The following SGCZ variants were observed in gnomAD, a reference collection of about 807,000 sequenced individuals.
SGCZ encodes the protein sarcoglycan zeta.
SGCZ carries 40 observed loss-of-function variants against 41.3 expected under a neutral mutation model. The observed-to-expected ratio is 0.97, with a 90% CI of 0.75 to 1.26. The LOEUF is 1.26. Among genes scored for constraint, SGCZ ranks in the 50% most tolerant of loss-of-function variants. SGCZ has a pLI of 0.00. For synonymous variants in SGCZ, 206 were observed against 137.5 expected (o/e 1.50, Z -3.49); for missense variants, 552 against 369.8 (o/e 1.49, Z -4.04).
intron 1 of SGCZ, among the ~76,000 whole-genome samples, chr8:14,923,568 A>C (rs149670917): frequency 2.6e-5 from 4 of 152,160 alleles, no homozygotes; most frequent in African/African-American, 4.8e-5. Flanking sequence ...TGTTCAATTA[A>C]TTAAAAATCA....
intron 1 of SGCZ, among the ~76,000 whole-genome samples, chr8:14,926,467 A>G (rs1221609305): frequency 2.6e-5 from 4 of 151,882 alleles, no homozygotes; most frequent in Non-Finnish European, 4.4e-5. Flanking sequence ...ATGCACATTT[A>G]TCACGTAAGC....
chr8:14,803,449 G>A (rs1280170975), intron 1 of SGCZ, among the ~76,000 whole-genome samples: 2 of 152,104 alleles, frequency 1.3e-5, no homozygotes, highest in Non-Finnish European at 2.9e-5. Context: ...CCCTTTCCTA[G>A]TCAAAGAAAG....
At chr8:14,159,708 G>T (rs1361674417) in intron 5 of SGCZ, among the ~76,000 whole-genome samples, 2 of 152,170 alleles carry the variant, frequency 1.3e-5, no homozygotes, top group East Asian at 3.9e-4. Flanking sequence ...GAACAAAGCG[G>T]CTCCATCCTG....
chr8:14,714,125 G>A (rs768345662), intron 1 of SGCZ, among the ~76,000 whole-genome samples: 2 of 151,776 alleles, frequency 1.3e-5, no homozygotes, highest in Non-Finnish European at 2.9e-5. Flanking sequence ...CCACCACCAC[G>A]CCCAGCTAAT....
chr8:15,236,361 C>T (rs1360460734), intron 1 of SGCZ, among the ~76,000 whole-genome samples: 3 of 152,108 alleles, frequency 2.0e-5, no homozygotes, highest in Non-Finnish European at 2.9e-5. Context: ...GGGGATTTTG[C>T]AGCCTGCCTA....
chr8:14,783,164 T>C (rs938031132), intron 1 of SGCZ, among the ~76,000 whole-genome samples: 3 of 152,156 alleles, frequency 2.0e-5, no homozygotes. Context: ...CCGGGCACGG[T>C]GGCTCACGCA....
chr8:14,872,342 A>C (rs1375165604), intron 1 of SGCZ, among the ~76,000 whole-genome samples: 1 of 152,086 alleles, frequency 6.6e-6, no homozygotes, highest in Non-Finnish European at 1.5e-5. Flanking sequence ...TAGAAATATA[A>C]GCTATCTGTT....
intron 1 of SGCZ, among the ~76,000 whole-genome samples, chr8:14,702,729 AATGATAGATAG>A (rs200268955): frequency 0.031 from 4,353 of 139,352 alleles, 125 homozygotes; most frequent in East Asian, 0.085. Flanking sequence ...TGCTGGCTTC[AATGATAGATAG>A]ATAGATAGAT....
intron 7 of SGCZ, among the ~76,000 whole-genome samples, chr8:14,101,931 C>A (rs180788574): frequency 6.6e-6 from 1 of 151,636 alleles, no homozygotes; most frequent in African/African-American, 2.4e-5. Context: ...CTCGCTCTGT[C>A]GCCCCAGGCT....
At chr8:15,177,377 A>T (rs977589561) in intron 1 of SGCZ, among the ~76,000 whole-genome samples, 4 of 152,212 alleles carry the variant, frequency 2.6e-5, no homozygotes, top group African/African-American at 9.6e-5. Flanking sequence ...GTTGTAAAAT[A>T]AGGAGCTGAG....
At chr8:14,391,686 A>G (rs957269637) in intron 2 of SGCZ, among the ~76,000 whole-genome samples, 5 of 152,168 alleles carry the variant, frequency 3.3e-5, no homozygotes, top group African/African-American at 1.2e-4. Flanking sequence ...TTAGGGATAT[A>G]GTGACGAACG....
intron 1 of SGCZ, among the ~76,000 whole-genome samples, chr8:14,701,217 G>T (rs1809126925): frequency 6.6e-6 from 1 of 151,902 alleles, no homozygotes; most frequent in Admixed American, 6.6e-5. Context: ...GGTAGTTGCA[G>T]CATGGGATTG....
intron 5 of SGCZ, among the ~76,000 whole-genome samples, chr8:14,142,208 C>T (rs1392600475): frequency 2.6e-5 from 4 of 151,936 alleles, no homozygotes; most frequent in Non-Finnish European, 2.9e-5. Context: ...GGGAGAAGTG[C>T]CTAATGTAAA....
intron 2 of SGCZ, among the ~76,000 whole-genome samples, chr8:14,398,032 C>T (rs1184290057): frequency 1.3e-5 from 2 of 152,072 alleles, no homozygotes; most frequent in African/African-American, 4.8e-5. Context: ...ACCATCAACT[C>T]AAAGGACCCT....
intron 1 of SGCZ, among the ~76,000 whole-genome samples, chr8:15,220,366 T>A (rs1801552357): frequency 6.6e-6 from 1 of 152,146 alleles, no homozygotes; most frequent in Admixed American, 6.5e-5. Flanking sequence ...GTTTTCTTGA[T>A]ATTGGTTACC....
intron 3 of SGCZ, among the ~76,000 whole-genome samples, chr8:14,247,321 C>A (rs921007378): frequency 6.6e-6 from 1 of 152,156 alleles, no homozygotes; most frequent in African/African-American, 2.4e-5. Flanking sequence ...TAGTCCCCAT[C>A]CTGAAGCTCT....
chr8:14,285,384 G>T (rs1413841517), intron 3 of SGCZ, among the ~76,000 whole-genome samples: 1 of 152,052 alleles, frequency 6.6e-6, no homozygotes, highest in Non-Finnish European at 1.5e-5. Context: ...TTACTGGAGA[G>T]TTACTCTGTC....
intron 5 of SGCZ, among the ~76,000 whole-genome samples, chr8:14,158,320 C>T (rs1803937997): frequency 6.6e-6 from 1 of 152,078 alleles, no homozygotes; most frequent in African/African-American, 2.4e-5. Flanking sequence ...ATTTAGGCTC[C>T]TAATAAATTG....
intron 1 of SGCZ, among the ~76,000 whole-genome samples, chr8:14,953,507 A>C (rs938306857): frequency 3.9e-5 from 6 of 152,172 alleles, no homozygotes; most frequent in Admixed American, 3.9e-4. Context: ...CTCAGAAAAC[A>C]TCCAAAGATG....
Sources: gnomAD v4.1 joint callset for allele counts (sites outside exome capture counted in the v4.1 genomes callset) on GRCh38, gnomAD v4.1.1 for gene constraint, MANE v1.5 for transcripts, NCBI Gene and HGNC (gene_info 2026-07-23, HGNC 2026-07-21) for gene names.